Variants in RNGTT observed in about 807,000 individuals in gnomAD.
RNGTT encodes the protein RNA guanylyltransferase and 5'-phosphatase.
RNGTT carries 33 observed loss-of-function variants against 79.3 expected under a neutral mutation model. The ratio of observed to expected loss-of-function variants is 0.42; its 90% CI spans 0.32 to 0.56. RNGTT has a LOEUF of 0.56. Among genes scored for constraint, RNGTT ranks in the 20% least tolerant of loss-of-function variants. RNGTT has a pLI of 0.17. For missense variants in RNGTT, 497 were observed against 739.1 expected, an observed-to-expected ratio of 0.67 and a Z score of 3.80; for synonymous variants, 222 against 235.9, an observed-to-expected ratio of 0.94 and a Z score of 0.54.
intron 11 of RNGTT, among the ~76,000 whole-genome samples, chr6:88,801,920 A>G (rs532089107): frequency 6.6e-6 from 1 of 152,254 alleles, no homozygotes; most frequent in East Asian, 1.9e-4. Flanking sequence ...AACAACCAAA[A>G]TAATGAATAA....
chr6:88,887,116 GCTAA>G (rs1782890341), intron 8 of RNGTT, among the ~76,000 whole-genome samples: 1 of 150,146 alleles, frequency 6.7e-6, no homozygotes, highest in Non-Finnish European at 1.5e-5. Context: ...CCTTGGTCAG[GCTAA>G]TGCAAAATTC....
chr6:88,716,897 A>G (rs1421329101), intron 13 of RNGTT, among the ~76,000 whole-genome samples: 4 of 152,152 alleles, frequency 2.6e-5, no homozygotes, highest in African/African-American at 7.2e-5. Flanking sequence ...CAGCACACCA[A>G]CTTGGCACAT....
intron 8 of RNGTT, among the ~76,000 whole-genome samples, chr6:88,871,049 C>T (rs1422186001): frequency 6.6e-6 from 1 of 151,954 alleles, no homozygotes; most frequent in African/African-American, 2.4e-5. Flanking sequence ...ACAAAAACTG[C>T]TACAATAATA....
intron 13 of RNGTT, among the ~76,000 whole-genome samples, chr6:88,724,488 C>T (rs569341705): frequency 2.6e-5 from 4 of 152,190 alleles, no homozygotes; most frequent in South Asian, 4.2e-4. Context: ...TAGGTTATAC[C>T]ATCTAGGACA....
intron 12 of RNGTT, among the ~76,000 whole-genome samples, chr6:88,777,372 T>A (rs1778923314): frequency 6.6e-6 from 1 of 152,198 alleles, no homozygotes; most frequent in Admixed American, 6.5e-5. Context: ...TTTCTCTAGT[T>A]CTGTAAAAAA....
At chr6:88,925,532 G>A (rs532335829) in intron 4 of RNGTT, among the ~76,000 whole-genome samples, 2 of 151,264 alleles carry the variant, frequency 1.3e-5, no homozygotes, top group African/African-American at 4.9e-5. Flanking sequence ...GACAGAGGTT[G>A]CAGTGAGCCG....
At position 88,914,626 on chromosome 6, in the gene RNGTT, C is replaced by CA. The variant is rs1375665256; in HGVS notation, c.368-8187dup. Among the ~76,000 whole-genome samples, 19 of 150,660 alleles carry CA rather than the reference C, an allele frequency of 1.3e-4. No individual in the cohort carries two copies. The East Asian group carries it at 1.9e-3, about 15-fold the overall frequency. ...CTGGACCCCTATTTATCACCATATA[C>CA]AAAAAAAAAGCTCAAGATGGCTTAA... On this transcript the variant is annotated intron_variant, in intron 4 of 15. Coordinates refer to ENST00000369485, the MANE Select transcript of RNGTT (RefSeq NM_003800.5).
intron 4 of RNGTT, among the ~76,000 whole-genome samples, chr6:88,916,160 T>C (rs1307821551): frequency 6.6e-6 from 1 of 152,216 alleles, no homozygotes; most frequent in African/African-American, 2.4e-5. Context: ...TACTGTGGTT[T>C]TACCAGTATC....
chr6:88,633,033 G>A (rs1341548524), intron 14 of RNGTT, among the ~76,000 whole-genome samples: 5 of 152,190 alleles, frequency 3.3e-5, no homozygotes, highest in African/African-American at 1.2e-4. Context: ...CCAAAGCATA[G>A]TTGATGCTTG....
At chr6:88,618,064 TCA>T (rs1291547126) in intron 14 of RNGTT, among the ~76,000 whole-genome samples, 2 of 152,330 alleles carry the variant, frequency 1.3e-5, no homozygotes, top group South Asian at 2.1e-4. Flanking sequence ...TCTTGTGTTC[TCA>T]GTTTCAGAAT....
intron 11 of RNGTT, 112 bp downstream of exon 11, chr6:88,844,245 T>C: frequency 9.9e-7 from 1 of 1,006,386 alleles, no homozygotes; most frequent in Non-Finnish European, 1.4e-6. Context: ...CCAATTCGAG[T>C]ATTTTCTGAC....
chr6:88,777,883 G>A (rs1362087019), intron 12 of RNGTT, among the ~76,000 whole-genome samples: 2 of 152,132 alleles, frequency 1.3e-5, no homozygotes, highest in African/African-American at 4.8e-5. Flanking sequence ...GATTTTACAG[G>A]AAAAGCTTTT....
intron 14 of RNGTT, among the ~76,000 whole-genome samples, chr6:88,676,473 T>C (rs1296402091): frequency 3.3e-5 from 5 of 152,076 alleles, no homozygotes; most frequent in South Asian, 2.1e-4. Context: ...CTTAAAAGTA[T>C]AAAACTTCTA....
intron 13 of RNGTT, among the ~76,000 whole-genome samples, chr6:88,723,834 C>T (rs1776790666): frequency 6.6e-6 from 1 of 152,092 alleles, no homozygotes; most frequent in East Asian, 1.9e-4. Context: ...AAGCGATTCT[C>T]CTGCCTCAGC....
chr6:88,912,230 C>T (rs2127946288), intron 4 of RNGTT, among the ~76,000 whole-genome samples: 1 of 151,618 alleles, frequency 6.6e-6, no homozygotes, highest in Admixed American at 6.6e-5. Flanking sequence ...AAGCAGGACC[C>T]CATCTCTACC....
At chr6:88,866,669 T>A (rs1655999609) in intron 8 of RNGTT, among the ~76,000 whole-genome samples, 1 of 152,158 alleles carries the variant, frequency 6.6e-6, no homozygotes, top group South Asian at 2.1e-4. Flanking sequence ...TTCAAATAAA[T>A]CAATGTATCC....
At chr6:88,892,510 T>C (rs1290387737) in intron 6 of RNGTT, among the ~76,000 whole-genome samples, 3 of 152,092 alleles carry the variant, frequency 2.0e-5, no homozygotes, top group Non-Finnish European at 4.4e-5. Flanking sequence ...AACATACTAA[T>C]AGAACAAAAT....
rs73498453 is a variant in RNGTT, at chr6:88,852,900, G to A, written c.1032+729C>T. 3.9e-3 allele frequency among the ~76,000 whole-genome samples: 589 copies of A among 152,234 alleles called. 4 individuals are homozygous for A. Among genetic ancestry groups the A allele is most frequent in the African/African-American group, 0.014 (568 of 41,562 alleles). On this transcript the variant is annotated intron_variant, in intron 9 of 15. Transcript: ENST00000369485. ...AATTTATGGTCTCTATATACACAAT[G>A]GTAAACCATTCAGACATTTATGTGA...
chr6:88,900,150 T>A (rs1018661835), intron 6 of RNGTT, among the ~76,000 whole-genome samples: 1 of 149,498 alleles, frequency 6.7e-6, no homozygotes, highest in African/African-American at 2.5e-5. Context: ...AAAAAAACTA[T>A]AATTGACTAG....
Sources: gnomAD v4.1 joint callset for allele counts (sites outside exome capture counted in the v4.1 genomes callset) on GRCh38, gnomAD v4.1.1 for gene constraint, MANE v1.5 for transcripts, NCBI Gene and HGNC (gene_info 2026-07-23, HGNC 2026-07-21) for gene names.